EPRS1: variants seen among roughly 807,000 people sequenced by gnomAD.
EPRS1 encodes the protein bifunctional glutamate/proline--tRNA ligase.
Under a neutral mutation model 188.3 loss-of-function variants are expected in EPRS1, and 107 were observed. The ratio of observed to expected loss-of-function variants is 0.57; its 90% CI spans 0.49 to 0.67. The LOEUF (loss-of-function observed/expected upper bound fraction) is 0.67, where lower values mean the gene tolerates loss of function less well. Ranked by LOEUF, EPRS1 falls within the 30% of genes least tolerant of loss-of-function variation. The pLI, the probability that EPRS1 is intolerant of heterozygous loss-of-function variation, is 0.00. For missense variants in EPRS1, 1,577 were observed against 1,802.2 expected, an observed-to-expected ratio of 0.88 and a Z score of 2.26; for synonymous variants, 596 against 593.1, an observed-to-expected ratio of 1.00 and a Z score of -0.07.
chr1:220,006,158 G>A lies in EPRS1; in HGVS notation c.1898C>T (p.Pro633Leu). 1.3e-6 allele frequency: 2 copies of A among 1,595,956 alleles called. No homozygotes were observed. Among genetic ancestry groups the A allele is most frequent in the Non-Finnish European group, 1.7e-6 (2 of 1,169,158 alleles). The change falls in exon 15 of 32, where the codon CCA becomes CTA. Residue 633 changes from proline (P) to leucine (L), a missense_variant. Pro to Leu is a moderately conservative substitution (Grantham distance 98). This residue lies in a region of EPRS1 where 1,278 missense variants were observed against 1,457.4 expected (regional missense o/e 0.88). Transcript: ENST00000366923. ...AAAGTCCTCGTCTTTTCCTAGCACT[G>A]GCTTTGTGATCAAGTGCTCATAAGT... ...CVTYEHLITK[P>L]VLGKDEDFKQ...
rs1420730197 is a variant in EPRS1 at position 219,984,203 on chromosome 1, C to T, written c.3090+3G>A. On this transcript the variant is annotated splice_donor_region_variant and intron_variant, in intron 21 of 31. Transcript: ENST00000366923. ...CATAAAAATCAACTGAATGCATACT[C>T]ACCTGAGAATACCAATCAGCAAGAT... 7 of 1,611,126 alleles carry T rather than the reference C, an allele frequency of 4.3e-6. 1 individual carries two copies. The South Asian group carries it at 6.6e-5, about 15-fold the overall frequency.
Position 219,968,936 on chromosome 1 carries a change from C to A in EPRS1, c.4409G>T (p.Gly1470Val), listed in dbSNP as rs1052741539. ...TTARDQDLEP[G>V]APSMGAKSLC... ...GCTTTTAGCTCCCATGGATGGAGCA[C>A]CAGGTTCAAGATCTTGATCCCTGAA... Residue 1470 changes from glycine to valine, a missense_variant, in exon 32 of 32, where the codon GGT (glycine) becomes GTT (valine). Transcript: ENST00000366923. 4 of 1,613,870 alleles carry A rather than the reference C, an allele frequency of 2.5e-6. No homozygotes were observed. The African/African-American group carries it at 5.3e-5, about 22-fold the overall frequency.
intron 1 of EPRS1, among the ~76,000 whole-genome samples, chr1:220,043,533 T>C (rs933880982): frequency 6.6e-6 from 1 of 152,276 alleles, no homozygotes. Flanking sequence ...CTGAAACTAG[T>C]GGGTGAAGAT....
At chr1:220,019,112 AT>A (rs764201691) in intron 10 of EPRS1, 33 bp from the exon 11 acceptor site, 1 of 1,318,494 alleles carries the variant, frequency 7.6e-7, no homozygotes, top group Non-Finnish European at 1.1e-6. Context: ...TACCAAGGAA[AT>A]TTTGTAATGT....
chr1:220,004,160 G>A (rs540938868), intron 16 of EPRS1, among the ~76,000 whole-genome samples: 1 of 152,178 alleles, frequency 6.6e-6, no homozygotes, highest in Admixed American at 6.5e-5. Context: ...CTTGAGCAGT[G>A]AGGATTACAG....
intron 6 of EPRS1, among the ~76,000 whole-genome samples, chr1:220,027,835 T>A (rs148988120): frequency 1.1e-3 from 165 of 151,232 alleles, no homozygotes; most frequent in Non-Finnish European, 2.0e-3. Flanking sequence ...ATACAAAAAA[T>A]TAATTAATTA....
rs6680671 is a variant in EPRS1, at chr1:219,996,643, G to A, written c.2541+340C>T. ...CCCCATAATGGCTGCTTCTACTTCA[G>A]GATGATTTTAAATATCCTTTATAAA... is the stretch of plus-strand genomic sequence containing the variant. On this transcript the variant is annotated intron_variant, in intron 18 of 31. Coordinates refer to ENST00000366923, the MANE Select transcript of EPRS1 (RefSeq NM_004446.3). Among the ~76,000 whole-genome samples the A allele has an allele frequency of 5.3e-3, 813 of 152,228 alleles. 7 individuals carry two copies. Among genetic ancestry groups the A allele is most frequent in the African/African-American group, 0.019 (789 of 41,542 alleles).
intron 12 of EPRS1, among the ~76,000 whole-genome samples, chr1:220,015,212 C>A (rs1294326017): frequency 6.6e-6 from 1 of 152,156 alleles, no homozygotes; most frequent in Non-Finnish European, 1.5e-5. Flanking sequence ...CACCTGTAAT[C>A]CCAGCACTTT....
Position 220,000,500 on chromosome 1 carries a change from A to G in EPRS1, c.2181+638T>C, listed in dbSNP as rs570167071. On this transcript the variant is annotated intron_variant, in intron 17 of 31. Transcript: ENST00000366923. ...ATATTAAAGAGATCTGTAAAAATTT[A>G]AAACCATACCGCTCTTTTAACTAAA... 1.7e-4 allele frequency among the ~76,000 whole-genome samples: 26 copies of G among 152,360 alleles called. No homozygotes were observed. The South Asian group carries it at 5.4e-3, about 32-fold the overall frequency.
In EPRS1 at chr1:219,968,654, GTTAAC is replaced by G; in HGVS notation, c.*147_*151del. 1.5e-6 allele frequency: 1 copy of G among 671,436 alleles called. No individual in the cohort carries two copies. The highest frequency in any genetic ancestry group is 2.7e-5 in the East Asian group (1 of 36,608). The allele number at this position is 671,436 out of a possible 1,614,324, so 41.6% of individuals were successfully genotyped here. On this transcript the variant is annotated 3_prime_UTR_variant, in exon 32 of 32. Transcript: ENST00000366923. ...TTTACAGAAAAGTCTTTTATCCACT[GTTAAC>G]TTAGGCATAAGAATAATTGTCCTGT...
intron 12 of EPRS1, among the ~76,000 whole-genome samples, chr1:220,013,181 T>C: frequency 6.6e-6 from 1 of 152,304 alleles, no homozygotes; most frequent in South Asian, 2.1e-4. Flanking sequence ...AAATAAAAGC[T>C]AGAAGAAAAC....
chr1:220,037,395 C>T (rs1015612583), intron 2 of EPRS1, among the ~76,000 whole-genome samples: 2 of 151,056 alleles, frequency 1.3e-5, no homozygotes, highest in African/African-American at 2.4e-5. Context: ...ATCCCAGCTA[C>T]TTAGGAGGCT....
rs1040497036 is a variant in EPRS1 at position 220,022,421 on chromosome 1, G to A, written c.1041C>T (p.Asn347=). 3 of 1,613,944 alleles carry A rather than the reference G, an allele frequency of 1.9e-6. No individual in the cohort carries two copies. In the African/African-American group the frequency reaches 4.0e-5, roughly 22 times the overall value. Residue 347 remains asparagine (N), a synonymous_variant, in exon 9 of 32, where the codon AAC becomes AAT. Transcript: ENST00000366923. The part of the protein sequence containing the change: ...CLRAKIDMSS[N]NGCMRDPTLY... Reference sequence around the variant, plus strand: ...GGGTTGGATCTCTCATGCATCCATTGTTACTACTCATGTCAATTTTTGCTC... The same window carrying A: ...GGGTTGGATCTCTCATGCATCCATTATTACTACTCATGTCAATTTTTGCTC...
At chr1:220,014,330 A>AT (rs889905280) in intron 12 of EPRS1, among the ~76,000 whole-genome samples, 1 of 151,168 alleles carries the variant, frequency 6.6e-6, no homozygotes. Context: ...TCCATCTCAA[A>AT]AAAAAACAAA....
chr1:220,009,564 G>A (rs1661560229), intron 13 of EPRS1, among the ~76,000 whole-genome samples: 1 of 151,974 alleles, frequency 6.6e-6, no homozygotes, highest in South Asian at 2.1e-4. Flanking sequence ...GCATGAACCT[G>A]TAGTCCCAGG....
chr1:220,042,601 C>A (rs1334393352), intron 1 of EPRS1, among the ~76,000 whole-genome samples: 2 of 151,484 alleles, frequency 1.3e-5, no homozygotes, highest in African/African-American at 2.4e-5. Flanking sequence ...CACACCCATA[C>A]AATGAAATTT....
rs1477357945 is a variant in EPRS1 at position 220,024,434 on chromosome 1, A to G, written c.773T>C (p.Met258Thr). 1 of 1,600,326 alleles carries G rather than the reference A, an allele frequency of 6.2e-7. No homozygotes were observed. ...FEKVILEDVAMLHIKPDQFTY... is the reference protein window; with the variant it reads ...FEKVILEDVATLHIKPDQFTY... ...AAATTGATCTGGTTTGATATGCAAC[A>G]TTGCAACATCTTCCAAGATAACCTG... The change falls in exon 8 of 32, where the codon ATG becomes ACG. Residue 258 changes from methionine (M) to threonine (T), a missense_variant. By Grantham distance (81) the Met-to-Thr change is moderately conservative. Around this residue, in one of 3 missense-constraint regions of EPRS1, gnomAD observed 1,278 missense variants for 1,457.4 expected, o/e 0.88. Transcript: ENST00000366923.
At chr1:220,025,763 A>G (rs556264849) in intron 6 of EPRS1, among the ~76,000 whole-genome samples, 266 of 151,814 alleles carry the variant, frequency 1.8e-3, no homozygotes, top group Middle Eastern at 0.01. Context: ...TTACTTCTCT[A>G]GGCTTTGGTT....
chr1:220,012,793 T>C (rs1661628914), intron 12 of EPRS1, among the ~76,000 whole-genome samples: 1 of 152,196 alleles, frequency 6.6e-6, no homozygotes, highest in Non-Finnish European at 1.5e-5. Flanking sequence ...TTGTTTTATT[T>C]ATTGGGGTTT....
Sources: gnomAD v4.1 joint callset for allele counts (sites outside exome capture counted in the v4.1 genomes callset) on GRCh38, gnomAD v4.1.1 for gene constraint, gnomAD v4.1.1 regional missense constraint, MANE v1.5 for transcripts, NCBI Gene and HGNC (gene_info 2026-07-23, HGNC 2026-07-21) for gene names.